Variants in PDE4D observed in about 807,000 individuals in gnomAD.
The protein encoded by PDE4D is 3',5'-cyclic-AMP phosphodiesterase 4D.
Under a neutral mutation model 87.4 loss-of-function variants are expected in PDE4D, and 24 were observed. That is an observed-to-expected ratio of 0.27 (90% CI 0.20 to 0.39). PDE4D has a LOEUF of 0.39. Ranked by LOEUF, PDE4D falls within the 10% of genes least tolerant of loss-of-function variation. The pLI is 1.00. For synonymous variants in PDE4D, 384 were observed against 383.2 expected (o/e 1.00, Z -0.02); for missense variants, 714 against 1,041.0 (o/e 0.69, Z 4.32).
intron 1 of PDE4D, among the ~76,000 whole-genome samples, chr5:59,435,915 C>T (rs1796742478): frequency 6.6e-6 from 1 of 152,186 alleles, no homozygotes. Context: ...ATGAGAGCAA[C>T]ATCTTTTCTC....
chr5:60,413,437 T>C (rs1213123846), intron 1 of PDE4D, among the ~76,000 whole-genome samples: 1 of 152,056 alleles, frequency 6.6e-6, no homozygotes, highest in Non-Finnish European at 1.5e-5. Context: ...GAGCCTTTCA[T>C]TTTCTGAAGA....
intron 1 of PDE4D, among the ~76,000 whole-genome samples, chr5:60,482,076 C>T (rs565976685): frequency 9.2e-5 from 14 of 152,258 alleles, no homozygotes; most frequent in African/African-American, 3.4e-4. Flanking sequence ...ATGCTGAGAT[C>T]TAATTCCCAA....
intron 1 of PDE4D, among the ~76,000 whole-genome samples, chr5:59,859,701 G>A (rs1223141844): frequency 6.6e-6 from 1 of 152,110 alleles, no homozygotes; most frequent in African/African-American, 2.4e-5. Context: ...TTCCACTGCT[G>A]GATAATAAAA....
chr5:60,469,293 C>G (rs1272897126), intron 1 of PDE4D, among the ~76,000 whole-genome samples: 5 of 152,150 alleles, frequency 3.3e-5, no homozygotes, highest in Non-Finnish European at 5.9e-5. Context: ...TCCACCCCCT[C>G]CTGTTCTGTC....
At chr5:59,996,734 A>T (rs1193431900) in intron 2 of PDE4D, among the ~76,000 whole-genome samples, 2 of 152,202 alleles carry the variant, frequency 1.3e-5, no homozygotes, top group Non-Finnish European at 2.9e-5. Flanking sequence ...GTCCTTTAAT[A>T]TAGAAAAGGG....
intron 1 of PDE4D, among the ~76,000 whole-genome samples, chr5:60,207,317 T>G (rs372506912): frequency 1.4e-4 from 21 of 152,302 alleles, no homozygotes; most frequent in African/African-American, 4.8e-4. Context: ...AGGCTTTGAG[T>G]GCCTTGCTTG....
chr5:60,385,563 C>T (rs1690151850), intron 1 of PDE4D, among the ~76,000 whole-genome samples: 1 of 152,248 alleles, frequency 6.6e-6, no homozygotes, highest in South Asian at 2.1e-4. Context: ...CCACAGAAAC[C>T]TTCCAAGGCT....
chr5:60,470,876 T>C (rs1035391816), intron 1 of PDE4D, among the ~76,000 whole-genome samples: 8 of 152,204 alleles, frequency 5.3e-5, no homozygotes, highest in African/African-American at 9.6e-5. Flanking sequence ...GAGATTAACA[T>C]TGTTTTCATG....
intron 1 of PDE4D, among the ~76,000 whole-genome samples, chr5:59,410,626 CATA>C (rs991913093): frequency 6.6e-6 from 1 of 152,108 alleles, no homozygotes; most frequent in African/African-American, 2.4e-5. Context: ...GCTTATTTAA[CATA>C]ATGTCTTCCA....
At chr5:59,761,998 G>C (rs2150780702) in intron 1 of PDE4D, among the ~76,000 whole-genome samples, 1 of 152,052 alleles carries the variant, frequency 6.6e-6, no homozygotes, top group South Asian at 2.1e-4. Context: ...AATTTTTCTG[G>C]TCCGTTATAA....
chr5:60,059,543 C>T (rs1325213432), intron 2 of PDE4D, among the ~76,000 whole-genome samples: 1 of 151,812 alleles, frequency 6.6e-6, no homozygotes, highest in Non-Finnish European at 1.5e-5. Flanking sequence ...GAAGAGATAG[C>T]ACATGAAATA....
At chr5:60,431,767 C>T (rs1744335707) in intron 1 of PDE4D, among the ~76,000 whole-genome samples, 1 of 152,242 alleles carries the variant, frequency 6.6e-6, no homozygotes, top group Admixed American at 6.5e-5. Flanking sequence ...CACCGCTGCA[C>T]TCCAGCCTGG....
chr5:59,046,931 T>G (rs1020928557), intron 5 of PDE4D, among the ~76,000 whole-genome samples: 1 of 152,202 alleles, frequency 6.6e-6, no homozygotes, highest in Non-Finnish European at 1.5e-5. Flanking sequence ...TGGAGAAAGA[T>G]TCCAATCTCT....
chr5:59,302,103 T>C (rs1201463838), intron 1 of PDE4D, among the ~76,000 whole-genome samples: 2 of 152,078 alleles, frequency 1.3e-5, no homozygotes, highest in African/African-American at 4.8e-5. Flanking sequence ...AACGAAAAAT[T>C]GTCATGGAGA....
At chr5:59,743,390 C>T (rs1759142060) in intron 1 of PDE4D, among the ~76,000 whole-genome samples, 1 of 152,076 alleles carries the variant, frequency 6.6e-6, no homozygotes, top group Non-Finnish European at 1.5e-5. Context: ...CTTGAACAGA[C>T]ATTTCTTCAA....
At chr5:59,558,210 G>T (rs188345810) in intron 1 of PDE4D, among the ~76,000 whole-genome samples, 1 of 152,234 alleles carries the variant, frequency 6.6e-6, no homozygotes, top group Admixed American at 6.5e-5. Flanking sequence ...TCACATTCCA[G>T]TCGAAGGGAT....
At chr5:60,382,537 T>C (rs1217903611) in intron 1 of PDE4D, among the ~76,000 whole-genome samples, 1 of 152,218 alleles carries the variant, frequency 6.6e-6, no homozygotes, top group African/African-American at 2.4e-5. Flanking sequence ...CATGTGCTTT[T>C]AGACTTTTAT....
intron 1 of PDE4D, among the ~76,000 whole-genome samples, chr5:60,310,249 C>T (rs1029916969): frequency 6.6e-6 from 1 of 152,146 alleles, no homozygotes; most frequent in Admixed American, 6.5e-5. Context: ...TCCCACTTTA[C>T]CAGCATTTTA....
At chr5:60,266,941 A>C (rs146761410) in intron 1 of PDE4D, among the ~76,000 whole-genome samples, 10 of 152,328 alleles carry the variant, frequency 6.6e-5, no homozygotes, top group Admixed American at 3.9e-4. Context: ...AGAAAAGTGC[A>C]CGTGTATTAT....
Sources: allele counts gnomAD v4.1 joint callset (sites outside exome capture counted in the v4.1 genomes callset), GRCh38; gene constraint gnomAD v4.1.1; transcripts MANE v1.5; gene names NCBI Gene and HGNC (gene_info 2026-07-23, HGNC 2026-07-21).